Variants in RBFOX1 observed in about 807,000 individuals in gnomAD.
RBFOX1 encodes the protein RNA binding fox-1 homolog 1.
In RBFOX1, 8 loss-of-function variants were observed where a neutral mutation model predicts 57.7. The ratio of observed to expected loss-of-function variants is 0.14; its 90% CI spans 0.08 to 0.25. The LOEUF (loss-of-function observed/expected upper bound fraction) is 0.25, where lower values mean the gene tolerates loss of function less well. Among genes scored for constraint, RBFOX1 ranks in the 10% least tolerant of loss-of-function variants. The pLI is 1.00. For synonymous variants in RBFOX1, 326 were observed against 222.4 expected, an observed-to-expected ratio of 1.47 and a Z score of -4.15; for missense variants, 611 against 548.5, an observed-to-expected ratio of 1.11 and a Z score of -1.14.
chr16:6,667,473 C>G (rs1320455130), intron 3 of RBFOX1, among the ~76,000 whole-genome samples: 6 of 152,082 alleles, frequency 3.9e-5, no homozygotes, highest in Non-Finnish European at 5.9e-5. Context: ...GATGCTCAAG[C>G]TCTTATATAA....
intron 4 of RBFOX1, among the ~76,000 whole-genome samples, chr16:5,975,281 C>T (rs1057041410): frequency 1.3e-5 from 2 of 152,170 alleles, no homozygotes; most frequent in Non-Finnish European, 2.9e-5. Context: ...CTGCCTCATG[C>T]CTCCATTGCA....
chr16:5,330,472 G>A lies in RBFOX1; in HGVS notation c.219+90367G>A, dbSNP rs369298243. On this transcript the variant is annotated intron_variant, in intron 1 of 2. Coordinates refer to the RBFOX1 transcript ENST00000585867. ...GGCTGGAGTGCAATGGCATGACCTC[G>A]GCTCACTGCATCCTCCGCCTCCCAG... is the stretch of plus-strand genomic sequence containing the variant. Among the ~76,000 whole-genome samples the A allele has an allele frequency of 1.2e-3, 180 of 151,994 alleles. 1 individual carries two copies. The highest frequency in any genetic ancestry group is 4.2e-3 in the African/African-American group (176 of 41,462).
intron 2 of RBFOX1, among the ~76,000 whole-genome samples, chr16:6,644,041 G>A (rs564664857): frequency 2.6e-5 from 4 of 152,198 alleles, no homozygotes; most frequent in African/African-American, 4.8e-5. Flanking sequence ...CAGGAGAATC[G>A]TTTGAACCCG....
chr16:5,509,002 C>A (rs187705182), intron 2 of RBFOX1, among the ~76,000 whole-genome samples: 2 of 152,344 alleles, frequency 1.3e-5, no homozygotes, highest in Admixed American at 6.5e-5. Context: ...CTATTGTTAA[C>A]TGGACTTCCT....
chr16:5,844,717 A>G (rs1318229383), intron 3 of RBFOX1, among the ~76,000 whole-genome samples: 1 of 152,204 alleles, frequency 6.6e-6, no homozygotes, highest in Non-Finnish European at 1.5e-5. Context: ...ATTAGTCATT[A>G]TTAAACATTT....
At chr16:7,279,054 T>C (rs148049080) in intron 4 of RBFOX1, among the ~76,000 whole-genome samples, 2 of 152,124 alleles carry the variant, frequency 1.3e-5, no homozygotes, top group Non-Finnish European at 2.9e-5. Flanking sequence ...TCCTATTTTA[T>C]CTAATTCTAA....
chr16:6,210,336 A>C (rs971966538), intron 1 of RBFOX1, among the ~76,000 whole-genome samples: 2 of 111,556 alleles, frequency 1.8e-5, no homozygotes, highest in African/African-American at 5.7e-5. Flanking sequence ...AAACAAAAAA[A>C]CAAAAAAACA....
At chr16:7,094,352 G>A (rs2061345829) in intron 4 of RBFOX1, among the ~76,000 whole-genome samples, 1 of 152,086 alleles carries the variant, frequency 6.6e-6, no homozygotes, top group Non-Finnish European at 1.5e-5. Flanking sequence ...AGTAGAGAGA[G>A]CTTTGCCCAT....
chr16:5,509,350 A>T (rs2043497385), intron 2 of RBFOX1, among the ~76,000 whole-genome samples: 1 of 152,224 alleles, frequency 6.6e-6, no homozygotes, highest in South Asian at 2.1e-4. Context: ...CTCCCTGTGA[A>T]TGAGGAGAAG....
chr16:7,021,484 T>C (rs959856257), intron 3 of RBFOX1, among the ~76,000 whole-genome samples: 2 of 145,954 alleles, frequency 1.4e-5, no homozygotes, highest in Middle Eastern at 3.3e-3. Flanking sequence ...TTGTATATAT[T>C]TTATATTAAT....
At chr16:7,189,450 G>GA (rs1421843831) in intron 4 of RBFOX1, among the ~76,000 whole-genome samples, 1 of 128,258 alleles carries the variant, frequency 7.8e-6, no homozygotes, top group East Asian at 3.4e-4. Flanking sequence ...AAAAAAAAAG[G>GA]AATCCTCAAT....
intron 3 of RBFOX1, among the ~76,000 whole-genome samples, chr16:5,715,770 C>T (rs1053337704): frequency 1.3e-5 from 2 of 152,164 alleles, no homozygotes; most frequent in Middle Eastern, 3.2e-3. Flanking sequence ...GAGAAGCCTG[C>T]GGCTGCGAGT....
chr16:6,584,577 C>A (rs967163057), intron 2 of RBFOX1, among the ~76,000 whole-genome samples: 1 of 151,868 alleles, frequency 6.6e-6, no homozygotes, highest in African/African-American at 2.4e-5. Context: ...CCATGTTGAC[C>A]AGGCTGGTCT....
chr16:7,337,443 G>A (rs376690046), intron 4 of RBFOX1, among the ~76,000 whole-genome samples: 2 of 152,166 alleles, frequency 1.3e-5, no homozygotes, highest in African/African-American at 4.8e-5. Context: ...GTGAATTCAT[G>A]GAGTTGGCTT....
intron 3 of RBFOX1, among the ~76,000 whole-genome samples, chr16:6,767,036 A>G (rs7499003): frequency 0.19 from 28,909 of 152,012 alleles, 4,059 homozygotes; most frequent in East Asian, 0.4. Context: ...GGTCTTTTTC[A>G]CAAAATAATC....
intron 2 of RBFOX1, among the ~76,000 whole-genome samples, chr16:6,593,266 C>T (rs1440210390): frequency 6.6e-6 from 1 of 152,162 alleles, no homozygotes; most frequent in African/African-American, 2.4e-5. Flanking sequence ...TACTGGATCT[C>T]ATGTATTCCC....
intron 2 of RBFOX1, among the ~76,000 whole-genome samples, chr16:6,617,335 GT>G (rs2098158070): frequency 6.6e-6 from 1 of 152,028 alleles, no homozygotes; most frequent in African/African-American, 2.4e-5. Context: ...CAGATAGGCA[GT>G]TGCCCTTAAC....
At chr16:5,908,263 C>CATAT (rs1567134045) in intron 4 of RBFOX1, among the ~76,000 whole-genome samples, 10 of 143,560 alleles carry the variant, frequency 7.0e-5, no homozygotes, top group East Asian at 4.1e-4. Flanking sequence ...CACATATATA[C>CATAT]ACATATATAT....
intron 1 of RBFOX1, among the ~76,000 whole-genome samples, chr16:6,253,335 G>T (rs2097636747): frequency 6.6e-6 from 1 of 152,164 alleles, no homozygotes. Flanking sequence ...CACTGACGTT[G>T]CACCTACTTT....
Sources: allele counts gnomAD v4.1 joint callset (sites outside exome capture counted in the v4.1 genomes callset), GRCh38; gene constraint gnomAD v4.1.1; transcripts MANE v1.5; gene names NCBI Gene and HGNC (gene_info 2026-07-23, HGNC 2026-07-21).